TVP23A: variants seen among roughly 807,000 people sequenced by gnomAD.
TVP23A encodes Golgi apparatus membrane protein TVP23 homolog A.
A neutral mutation model predicts 31.7 loss-of-function variants in TVP23A; 21 were observed. That is an observed-to-expected ratio of 0.66 (90% CI 0.47 to 0.95). TVP23A has a LOEUF of 0.95. TVP23A is among the 40% of genes least tolerant of loss of function. The pLI is 0.00. For synonymous variants in TVP23A, 104 were observed against 96.0 expected (o/e 1.08, Z -0.49); for missense variants, 279 against 255.6 (o/e 1.09, Z -0.62).
chr16:10,794,287 T>C (rs562463440), intron 2 of TVP23A, among the ~76,000 whole-genome samples: 2 of 152,156 alleles, frequency 1.3e-5, no homozygotes, highest in East Asian at 3.9e-4. Context: ...TTGGCATTGC[T>C]TGTCTTGTAG....
At chr16:10,773,548 G>C (rs2031780833) in intron 4 of TVP23A, 107 bp from the exon 5 acceptor site, 1 of 1,363,648 alleles carries the variant, frequency 7.3e-7, no homozygotes, top group Admixed American at 2.6e-5. Flanking sequence ...GTTGCTGTGG[G>C]ATTTTTTGTT....
downstream of TVP23A, among the ~76,000 whole-genome samples, chr16:10,759,990 G>T (rs972635742): frequency 6.6e-6 from 1 of 152,220 alleles, no homozygotes; most frequent in Non-Finnish European, 1.5e-5. The surrounding 1 kb of genome is among the most constrained non-coding windows in gnomAD (Gnocchi z 4.7). Context: ...GCCACAGCAG[G>T]ACTTGGGTAC....
intron 5 of TVP23A, among the ~76,000 whole-genome samples, chr16:10,772,346 T>C (rs1160615530): frequency 6.6e-6 from 1 of 152,154 alleles, no homozygotes; most frequent in African/African-American, 2.4e-5. Context: ...GTTGTTTTAC[T>C]ATCTACAAAT....
In TVP23A at chr16:10,770,276, T is replaced by A; in HGVS notation, c.638A>T (p.His213Leu). Reference protein sequence around the residue: ...PGLEGLEIHQH With the variant: ...PGLEGLEIHQL ...GTGCCATGATCCATTTCTCACCTAA[T>A]GCTGGTGAATCTCCAGCCCCTCGAG... Residue 213 changes from histidine to leucine, a missense_variant, in exon 7 of 8, where the codon CAT becomes CTT. By Grantham distance (99) the His-to-Leu change is moderately conservative (BLOSUM62 -3). Coordinates refer to ENST00000299866, the MANE Select transcript of TVP23A (RefSeq NM_001079512.4). The A allele has an allele frequency of 1.3e-6, 2 of 1,550,980 alleles. No homozygotes were observed. Among genetic ancestry groups the A allele is most frequent in the Non-Finnish European group, 1.7e-6 (2 of 1,146,806 alleles).
intron 2 of TVP23A, among the ~76,000 whole-genome samples, chr16:10,805,327 C>G (rs1040533497): frequency 6.6e-6 from 1 of 152,052 alleles, no homozygotes; most frequent in Non-Finnish European, 1.5e-5. Context: ...CCACTGCACC[C>G]AGCCTAATGT....
rs777135745 is a variant in TVP23A, at chr16:10,818,152, G to A, written c.40C>T (p.Leu14=). The part of the protein sequence containing the change: ...ALVDDTEDVS[L]DFGNEEELAF... ...AGCTCCTCCTCGTTTCCAAAGTCCA[G>A]GGACACATCCTCGGTATCGTCCACC... Residue 14 remains leucine, a synonymous_variant, in exon 2 of 8, where the codon CTG becomes TTG. Transcript: ENST00000299866. This position sits in a 1 kb window ranked among gnomAD's most constrained non-coding sequence, Gnocchi z 4.7. 9.9e-6 allele frequency: 16 copies of A among 1,608,952 alleles called. No homozygotes were observed. The South Asian group carries it at 1.0e-4, about 10-fold the overall frequency.
At position 10,761,540 on chromosome 16, in the gene TVP23A, G is replaced by C; in HGVS notation, c.*235C>G. The stretch of plus-strand genomic sequence containing the variant: ...CTCATGGATGAGGAAACGATCGGAA[G>C]GCTGCTCTGCAAACTATTTCTGCTT... On this transcript the variant is annotated 3_prime_UTR_variant and NMD_transcript_variant, in exon 9 of 9. Transcript: ENST00000456096. 1.2e-5 allele frequency: 16 copies of C among 1,344,732 alleles called. No homozygotes were observed. In the South Asian group the frequency reaches 1.8e-4, roughly 15 times the overall value. 83.3% of individuals were successfully genotyped at this position (1,344,732 alleles called of 1,614,324 possible).
At chr16:10,762,088 G>A, downstream of TVP23A, 2 of 461,640 alleles carry the variant, frequency 4.3e-6, no homozygotes, top group South Asian at 3.1e-5. Context: ...AGAGGGGTGA[G>A]GCCTGGAAGA....
intron 2 of TVP23A, among the ~76,000 whole-genome samples, chr16:10,811,470 A>G (rs955190130): frequency 4.7e-4 from 72 of 152,020 alleles, no homozygotes; most frequent in African/African-American, 1.6e-3. Context: ...GGGTTTTGCC[A>G]TGTTGCTCAG....
rs1371500649 is a variant in TVP23A at position 10,767,953 on chromosome 16, G to T, written c.*1149C>A. Reference sequence around the variant, plus strand: ...TCCGTTTGTTTCTTTTTTAAGGTAAGAATTGTGACAAAGGCCAGTCTTTTT... The same window carrying T: ...TCCGTTTGTTTCTTTTTTAAGGTAATAATTGTGACAAAGGCCAGTCTTTTT... On this transcript the variant is annotated 3_prime_UTR_variant, in exon 8 of 8. Coordinates refer to ENST00000299866, the MANE Select transcript of TVP23A (RefSeq NM_001079512.4). This position sits in a 1 kb window ranked among gnomAD's most constrained non-coding sequence, Gnocchi z 4.6. The T allele has an allele frequency of 6.2e-7, 1 of 1,614,098 alleles. No individual in the cohort carries two copies. The highest frequency in any genetic ancestry group is 1.3e-5 in the African/African-American group (1 of 75,038).
At chr16:10,783,934 G>T (rs1271985819) in intron 2 of TVP23A, among the ~76,000 whole-genome samples, 2 of 152,178 alleles carry the variant, frequency 1.3e-5, no homozygotes, top group African/African-American at 2.4e-5. Context: ...GTTCCAGAGG[G>T]TGGGGAGGGA....
intron 6 of TVP23A, among the ~76,000 whole-genome samples, chr16:10,770,577 AC>A (rs371337320): frequency 0.054 from 7,978 of 146,618 alleles, 243 homozygotes; most frequent in Middle Eastern, 0.063. Flanking sequence ...AAAAAAAAAA[AC>A]AAAACAAAAA....
chr16:10,811,317 A>G (rs2034189282), intron 2 of TVP23A, among the ~76,000 whole-genome samples: 1 of 152,106 alleles, frequency 6.6e-6, no homozygotes, highest in Admixed American at 6.6e-5. Flanking sequence ...CACCCAGGCT[A>G]GAGTGCAGTG....
intron 2 of TVP23A, among the ~76,000 whole-genome samples, chr16:10,807,297 G>C (rs1596569641): frequency 6.7e-6 from 1 of 148,786 alleles, no homozygotes; most frequent in African/African-American, 2.6e-5. Flanking sequence ...TGCCCACCAA[G>C]GTGTCATCAA....
At chr16:10,804,462 A>G (rs1427308067) in intron 2 of TVP23A, among the ~76,000 whole-genome samples, 1 of 152,200 alleles carries the variant, frequency 6.6e-6, no homozygotes. Flanking sequence ...AAAAGAAGCC[A>G]GCAGGCCGGG....
chr16:10,757,760 A>T, downstream of TVP23A: 1 of 1,347,130 alleles, frequency 7.4e-7, no homozygotes, highest in Non-Finnish European at 1.0e-6. The surrounding 1 kb of genome is among the most constrained non-coding windows in gnomAD (Gnocchi z 4.1). Flanking sequence ...CCTCAGAGTT[A>T]AGAGCCAACC....
At chr16:10,816,874 A>G in intron 2 of TVP23A, among the ~76,000 whole-genome samples, 1 of 151,724 alleles carries the variant, frequency 6.6e-6, no homozygotes, top group African/African-American at 2.4e-5. Flanking sequence ...AAAGTACAAT[A>G]ATAATAAAAA....
At chr16:10,811,057 A>T (rs2034174502) in intron 2 of TVP23A, among the ~76,000 whole-genome samples, 1 of 152,158 alleles carries the variant, frequency 6.6e-6, no homozygotes, top group Non-Finnish European at 1.5e-5. Context: ...AATTCATAGG[A>T]ACAGAAAGTA....
At chr16:10,802,833 TTTA>T (rs1291395236) in intron 2 of TVP23A, among the ~76,000 whole-genome samples, 1 of 152,216 alleles carries the variant, frequency 6.6e-6, no homozygotes. Context: ...CTGTGTGTAT[TTTA>T]GGTTCCATGT....
Sources: allele counts gnomAD v4.1 joint callset (sites outside exome capture counted in the v4.1 genomes callset), GRCh38; gene constraint gnomAD v4.1.1; non-coding constraint Gnocchi (gnomAD v3.1); transcripts MANE v1.5; gene names NCBI Gene and HGNC (gene_info 2026-07-23, HGNC 2026-07-21).